Variants in BPNT2 observed in about 807,000 individuals in gnomAD.
BPNT2 encodes the protein 3'(2'), 5'-bisphosphate nucleotidase 2, also known as Golgi-resident adenosine 3',5'-bisphosphate 3'-phosphatase.
Under a neutral mutation model 29.3 loss-of-function variants are expected in BPNT2, and 11 were observed. That is an observed-to-expected ratio of 0.38 (90% confidence interval 0.24 to 0.62). The LOEUF is 0.62. Ranked by LOEUF, BPNT2 falls within the 20% of genes least tolerant of loss-of-function variation. BPNT2 has a pLI of 0.62. For missense variants in BPNT2, 459 were observed against 473.4 expected, an observed-to-expected ratio of 0.97 and a Z score of 0.28; for synonymous variants, 195 against 187.7, an observed-to-expected ratio of 1.04 and a Z score of -0.32.
rs1053098398 is a variant in BPNT2, at chr8:56,991,896, T to C, written c.387+1303A>G. 1.4e-4 allele frequency among the ~76,000 whole-genome samples: 21 copies of C among 152,060 alleles called. 1 individual carries two copies. Among genetic ancestry groups the C allele is most frequent in the African/African-American group, 3.4e-4 (14 of 41,398 alleles). On this transcript the variant is annotated intron_variant, in intron 1 of 4. Transcript: ENST00000262644. Reference sequence around the variant, plus strand: ...TAGATGCAAAAAAATTTAAGTATTATTTGTGATGATAAAAACAGAGTAGGG... The same window carrying C: ...TAGATGCAAAAAAATTTAAGTATTACTTGTGATGATAAAAACAGAGTAGGG...
intron 1 of BPNT2, among the ~76,000 whole-genome samples, chr8:56,988,670 T>C (rs902555796): frequency 5.3e-5 from 8 of 152,224 alleles, no homozygotes; most frequent in Non-Finnish European, 1.0e-4. Flanking sequence ...ACAACACCGA[T>C]GACTCGCAGA....
chr8:56,973,711 A>C (rs1009593432), intron 3 of BPNT2, among the ~76,000 whole-genome samples: 2 of 152,186 alleles, frequency 1.3e-5, no homozygotes, highest in African/African-American at 4.8e-5. Context: ...GAAGATGTAG[A>C]AGAAGCAGTG....
At chr8:56,980,815 C>CATAT (rs1554540128) in intron 1 of BPNT2, among the ~76,000 whole-genome samples, 2 of 111,338 alleles carry the variant, frequency 1.8e-5, no homozygotes, top group Admixed American at 9.7e-5. Flanking sequence ...TACATACATA[C>CATAT]ATATACACAC....
In BPNT2 at chr8:56,964,057, T is replaced by C; in HGVS notation, c.816A>G (p.Lys272=). ...CAGGCACATCCAAAAGTGCTAAAAC[T>C]TTATAACCTAAAAGATAAACAAAGA... ...TIIPAGGAGY[K]VLALLDVPDK... The change falls in exon 5 of 5, where the codon AAA becomes AAG. Residue 272 remains lysine (K), a synonymous_variant. Coordinates refer to ENST00000262644, the MANE Select transcript of BPNT2 (RefSeq NM_017813.5). The C allele has an allele frequency of 1.3e-6, 2 of 1,584,894 alleles. No individual in the cohort carries two copies. The highest frequency in any genetic ancestry group is 1.1e-5 in the South Asian group (1 of 88,096).
rs757690431 is a variant in BPNT2 at position 56,993,426 on chromosome 8, C to T, written c.160G>A (p.Ala54Thr). The part of the protein sequence containing the change: ...EPGGGAAGPA[A>T]AADGGTVDLR... ...TCCACGGTGCCCCCATCGGCCGCGGCCGCGGGCCCCGCCGCGCCGCCGCCA... is the reference window on the plus strand; with the variant it reads ...TCCACGGTGCCCCCATCGGCCGCGGTCGCGGGCCCCGCCGCGCCGCCGCCA... Residue 54 changes from alanine to threonine, a missense_variant, in exon 1 of 5, where the codon GCC becomes ACC. Coordinates refer to ENST00000262644, the MANE Select transcript of BPNT2 (RefSeq NM_017813.5). 1 of 1,497,996 alleles carries T rather than the reference C, an allele frequency of 6.7e-7. No homozygotes were observed. Among genetic ancestry groups the T allele is most frequent in the Non-Finnish European group, 8.8e-7 (1 of 1,130,864 alleles). The allele number at this position is 1,497,996 out of a possible 1,614,324, so 92.8% of individuals were successfully genotyped here.
At chr8:56,990,738 C>T (rs1221655707) in intron 1 of BPNT2, among the ~76,000 whole-genome samples, 1 of 151,966 alleles carries the variant, frequency 6.6e-6, no homozygotes, top group African/African-American at 2.4e-5. Context: ...AAATGTCTTC[C>T]GACGTTGTCA....
chr8:56,991,807 T>C (rs564708174), intron 1 of BPNT2, among the ~76,000 whole-genome samples: 6 of 152,192 alleles, frequency 3.9e-5, no homozygotes, highest in Non-Finnish European at 8.8e-5. Flanking sequence ...CTATAAATTC[T>C]TGGGGAAGGA....
chr8:56,969,002 CAT>C (rs1254455727), intron 3 of BPNT2, among the ~76,000 whole-genome samples: 3 of 152,080 alleles, frequency 2.0e-5, no homozygotes, highest in African/African-American at 7.2e-5. Flanking sequence ...AGGAGACTGT[CAT>C]GTGAAGATAG....
chr8:56,993,567 G>T lies in BPNT2; in HGVS notation c.19C>A (p.Arg7Ser). The T allele has an allele frequency of 6.8e-7, 1 of 1,472,830 alleles. No individual in the cohort carries two copies. The allele number at this position is 1,472,830 out of a possible 1,614,324, so 91.2% of individuals were successfully genotyped here. A position where few individuals can be genotyped will look rare whatever the true frequency, so the allele number is the denominator to read the frequency against. MAPMGI[R>S]LSPLGVAVFC... ...ACTGCCACCCCCAGTGGGGAAAGGC[G>T]GATGCCCATGGGGGCCATGGCGTGG... The change falls in exon 1 of 5, where the codon CGC (arginine) becomes AGC (serine). Residue 7 changes from arginine to serine, a missense_variant. Transcript: ENST00000262644.
At chr8:56,987,258 C>T (rs1319076456) in intron 1 of BPNT2, among the ~76,000 whole-genome samples, 2 of 152,146 alleles carry the variant, frequency 1.3e-5, no homozygotes, top group African/African-American at 4.8e-5. Flanking sequence ...TGTGATATGG[C>T]AACTTGACTG....
chr8:56,965,847 T>C (rs575415413), intron 4 of BPNT2, among the ~76,000 whole-genome samples: 3 of 152,206 alleles, frequency 2.0e-5, no homozygotes, highest in Non-Finnish European at 4.4e-5. Flanking sequence ...GCATCTTAAG[T>C]GCTTGATCTT....
intron 1 of BPNT2, among the ~76,000 whole-genome samples, chr8:56,984,851 G>C (rs1806304242): frequency 6.6e-6 from 1 of 152,052 alleles, no homozygotes; most frequent in Non-Finnish European, 1.5e-5. Context: ...GGTAATGACA[G>C]CAGTAAGTGC....
chr8:56,961,024 A>G lies in BPNT2; in HGVS notation c.*2769T>C, dbSNP rs1368281161. 1 of 152,264 alleles carries G rather than the reference A, an allele frequency of 6.6e-6. No individual in the cohort carries two copies. The highest frequency in any genetic ancestry group is 1.5e-5 in the Non-Finnish European group (1 of 68,072). The allele number at this position is 152,264 out of a possible 1,614,324, so 9.4% of individuals were successfully genotyped here. ...AAGAAAAGCAGAGATAAAGGAGAAC[A>G]TGAACCGGTAAGGGAAATGGTCACA... On this transcript the variant is annotated 3_prime_UTR_variant, in exon 5 of 5. Transcript: ENST00000262644.
At chr8:56,978,246 A>C in intron 2 of BPNT2, 101 bp from the exon 3 acceptor site, 1 of 809,160 alleles carries the variant, frequency 1.2e-6, no homozygotes, top group South Asian at 1.4e-5. Flanking sequence ...ATTTATATAC[A>C]TGAAATATCT....
At chr8:56,976,308 ACT>A (rs1311117086) in intron 3 of BPNT2, among the ~76,000 whole-genome samples, 1 of 152,180 alleles carries the variant, frequency 6.6e-6, no homozygotes, top group African/African-American at 2.4e-5. Context: ...CTGCTTATAT[ACT>A]GTCTGTTAGA....
At chr8:56,981,744 TAC>T (rs1441505341) in intron 1 of BPNT2, among the ~76,000 whole-genome samples, 1 of 152,042 alleles carries the variant, frequency 6.6e-6, no homozygotes, top group Non-Finnish European at 1.5e-5. Flanking sequence ...CACATCATCA[TAC>T]ACACACACAA....
intron 1 of BPNT2, among the ~76,000 whole-genome samples, chr8:56,984,779 T>C (rs528574961): frequency 1.3e-5 from 2 of 152,068 alleles, no homozygotes; most frequent in Non-Finnish European, 2.9e-5. Flanking sequence ...GGTTTCTCAT[T>C]ATGCAGAGAT....
rs779852410 is a variant in BPNT2 at position 56,973,851 on chromosome 8, TG to T, written c.646+4198del. On this transcript the variant is annotated intron_variant, in intron 3 of 4. Transcript: ENST00000262644. The stretch of plus-strand genomic sequence containing the variant: ...GAAACTAAAGCAAATAAGGAAGGAT[TG>T]GTACCATATAGTAAAATTTTTAGAG... Among the ~76,000 whole-genome samples, 5 of 152,318 alleles carry T rather than the reference TG, an allele frequency of 3.3e-5. No individual in the cohort carries two copies. In the East Asian group the frequency reaches 9.6e-4, roughly 29 times the overall value.
intron 3 of BPNT2, among the ~76,000 whole-genome samples, chr8:56,977,655 T>C (rs1465035261): frequency 6.6e-6 from 1 of 151,556 alleles, no homozygotes. Flanking sequence ...CACACTAGAG[T>C]AGGGTGGGCG....
Sources: allele counts gnomAD v4.1 joint callset (sites outside exome capture counted in the v4.1 genomes callset), GRCh38; gene constraint gnomAD v4.1.1; transcripts MANE v1.5; gene names NCBI Gene and HGNC (gene_info 2026-07-23, HGNC 2026-07-21).